Variants in KCNMB2 observed in about 807,000 individuals in gnomAD.
KCNMB2 encodes the protein calcium-activated potassium channel subunit beta-2.
Under a neutral mutation model 24.5 loss-of-function variants are expected in KCNMB2, and 9 were observed. That is an observed-to-expected ratio of 0.37 (90% CI 0.22 to 0.64). KCNMB2 has a LOEUF of 0.64. KCNMB2 is among the 30% of genes least tolerant of loss of function. The probability of loss-of-function intolerance (pLI) is 0.63; values close to 1 mark genes in which losing one functional copy is unlikely to be tolerated. For synonymous variants in KCNMB2, 109 were observed against 104.4 expected (o/e 1.04, Z -0.27); for missense variants, 226 against 284.3 (o/e 0.79, Z 1.47).
intron 1 of KCNMB2, among the ~76,000 whole-genome samples, chr3:178,615,662 G>C (rs184124870): frequency 3.3e-4 from 50 of 152,272 alleles, no homozygotes; most frequent in African/African-American, 9.4e-4. Context: ...GGACTCACCT[G>C]TCAGGGCAAT....
At chr3:178,621,382 T>C (rs935191794) in intron 1 of KCNMB2, among the ~76,000 whole-genome samples, 4 of 152,078 alleles carry the variant, frequency 2.6e-5, no homozygotes, top group Non-Finnish European at 5.9e-5. Flanking sequence ...CTGACATCTT[T>C]GTTCATTATT....
chr3:178,674,741 T>C (rs1015150217), intron 1 of KCNMB2, among the ~76,000 whole-genome samples: 3 of 152,126 alleles, frequency 2.0e-5, no homozygotes, highest in Admixed American at 1.3e-4. Flanking sequence ...TAGAAGCCAA[T>C]GTTTGCAATG....
At chr3:178,594,235 T>C (rs1353283467) in intron 1 of KCNMB2, among the ~76,000 whole-genome samples, 1 of 152,054 alleles carries the variant, frequency 6.6e-6, no homozygotes, top group African/African-American at 2.4e-5. Context: ...TAGCAAATAA[T>C]TGGTATGATC....
At chr3:178,839,186 T>TAAAA (rs66510741) in intron 4 of KCNMB2, among the ~76,000 whole-genome samples, 1 of 148,044 alleles carries the variant, frequency 6.8e-6, no homozygotes. Flanking sequence ...TTTCCAAACT[T>TAAAA]AAAAAAAAAA....
intron 4 of KCNMB2, among the ~76,000 whole-genome samples, chr3:178,829,688 C>A (rs1476199856): frequency 1.3e-5 from 2 of 152,108 alleles, no homozygotes; most frequent in East Asian, 1.9e-4. Context: ...AACTCTTAAA[C>A]CTGAATAGGC....
intron 1 of KCNMB2, among the ~76,000 whole-genome samples, chr3:178,784,786 T>C (rs74284630): frequency 0.011 from 1,677 of 151,872 alleles, 45 homozygotes; most frequent in East Asian, 0.11. Context: ...CAAATACATT[T>C]TCCTTTATCT....
At chr3:178,641,413 C>G (rs930783027) in intron 1 of KCNMB2, among the ~76,000 whole-genome samples, 1 of 152,026 alleles carries the variant, frequency 6.6e-6, no homozygotes, top group Non-Finnish European at 1.5e-5. Context: ...CAGATTTATA[C>G]TTAAGTTTCA....
At chr3:178,538,155 T>C (rs988357222) in intron 1 of KCNMB2, among the ~76,000 whole-genome samples, 6 of 152,226 alleles carry the variant, frequency 3.9e-5, no homozygotes, top group African/African-American at 1.4e-4. Flanking sequence ...ATGGCATCTA[T>C]GTTACAGTTT....
chr3:178,751,466 G>A (rs1347716133), intron 1 of KCNMB2, among the ~76,000 whole-genome samples: 6 of 147,810 alleles, frequency 4.1e-5, no homozygotes, highest in Admixed American at 2.8e-4. Context: ...TGTAATCCCA[G>A]CTACTTAGGA....
intron 1 of KCNMB2, among the ~76,000 whole-genome samples, chr3:178,769,663 C>G (rs1213868943): frequency 6.6e-6 from 1 of 152,130 alleles, no homozygotes; most frequent in Non-Finnish European, 1.5e-5. Flanking sequence ...CAGAGAAATT[C>G]CAATCAAGAT....
At chr3:178,549,098 ACGC>A (rs1375591139) in intron 1 of KCNMB2, among the ~76,000 whole-genome samples, 1 of 152,162 alleles carries the variant, frequency 6.6e-6, no homozygotes, top group Non-Finnish European at 1.5e-5. Context: ...ATATTTTAGT[ACGC>A]TTTTCTTTAA....
chr3:178,771,350 T>G (rs1712341958), intron 1 of KCNMB2, among the ~76,000 whole-genome samples: 1 of 152,078 alleles, frequency 6.6e-6, no homozygotes, highest in Non-Finnish European at 1.5e-5. Flanking sequence ...ATCATGTCCA[T>G]TAGATGCTCA....
At chr3:178,619,808 T>C (rs933670943) in intron 1 of KCNMB2, among the ~76,000 whole-genome samples, 1 of 152,178 alleles carries the variant, frequency 6.6e-6, no homozygotes, top group Non-Finnish European at 1.5e-5. Flanking sequence ...ATGGAAGCCT[T>C]TTGTTTCTTG....
At chr3:178,781,290 C>T (rs1221677493) in intron 1 of KCNMB2, among the ~76,000 whole-genome samples, 2 of 151,946 alleles carry the variant, frequency 1.3e-5, no homozygotes, top group Admixed American at 6.6e-5. Context: ...GCAAAGGGGA[C>T]CAAATGAATT....
At chr3:178,840,800 T>A (rs767867246) in intron 4 of KCNMB2, among the ~76,000 whole-genome samples, 1 of 152,226 alleles carries the variant, frequency 6.6e-6, no homozygotes, top group African/African-American at 2.4e-5. Flanking sequence ...TCCAGGCCTG[T>A]GATGGGAAGA....
intron 2 of KCNMB2, among the ~76,000 whole-genome samples, chr3:178,810,879 C>T (rs771731386): frequency 9.3e-5 from 14 of 150,192 alleles, no homozygotes; most frequent in Non-Finnish European, 1.6e-4. Context: ...GGACTACAGG[C>T]GCCCGCCACC....
chr3:178,781,003 T>C (rs1360993204), intron 1 of KCNMB2, among the ~76,000 whole-genome samples: 1 of 152,218 alleles, frequency 6.6e-6, no homozygotes, highest in Non-Finnish European at 1.5e-5. Flanking sequence ...TGCAAAGTGC[T>C]ATAAGTATAA....
Position 178,807,349 on chromosome 3 carries a change from T to C in KCNMB2, c.-61T>C. 2 of 1,422,614 alleles carry C rather than the reference T, an allele frequency of 1.4e-6. No individual in the cohort carries two copies. The highest frequency in any genetic ancestry group is 1.4e-5 in the African/African-American group (1 of 70,862). The allele number at this position is 1,422,614 out of a possible 1,614,324, so 88.1% of individuals were successfully genotyped here. ...CATTGTGTACCTCTTCTAGGTCTTT[T>C]TGCCATTCCTCCAGGACATCCACCA... is the stretch of plus-strand genomic sequence containing the variant. On this transcript the variant is annotated 5_prime_UTR_variant, in exon 2 of 5. Transcript: ENST00000452583.
intron 1 of KCNMB2, among the ~76,000 whole-genome samples, chr3:178,680,212 A>G (rs1721219068): frequency 6.6e-6 from 1 of 152,054 alleles, no homozygotes. Context: ...CCTGTGGGAG[A>G]GAGATAAGGT....
Sources: gnomAD v4.1 joint callset for allele counts (sites outside exome capture counted in the v4.1 genomes callset) on GRCh38, gnomAD v4.1.1 for gene constraint, MANE v1.5 for transcripts, NCBI Gene and HGNC (gene_info 2026-07-23, HGNC 2026-07-21) for gene names.